The following RAB38 variants were observed in gnomAD, a reference collection of about 807,000 sequenced individuals.
RAB38 encodes RAB38, member RAS oncogene family.
In RAB38, 15 loss-of-function variants were observed where a neutral mutation model predicts 18.4. The observed-to-expected ratio is 0.82, with a 90% CI of 0.55 to 1.26. The LOEUF is 1.26. RAB38 is among the 50% of genes most tolerant of loss of function. RAB38 has a pLI of 0.00. For synonymous variants in RAB38, 101 were observed against 104.4 expected (o/e 0.97, Z 0.20); for missense variants, 294 against 267.4 (o/e 1.10, Z -0.69).
the RAB38 span, among the ~76,000 whole-genome samples, chr11:87,936,814 T>C: frequency 6.6e-6 from 1 of 152,108 alleles, no homozygotes; most frequent in Non-Finnish European, 1.5e-5. Context: ...TTGTTGTATG[T>C]TTATTTTGTA....
the RAB38 span, among the ~76,000 whole-genome samples, chr11:87,953,750 C>G: frequency 6.6e-6 from 1 of 151,970 alleles, no homozygotes; most frequent in Non-Finnish European, 1.5e-5. Context: ...TAAGGGGAAA[C>G]TACTGTAAAT....
At chr11:87,858,942 A>C in the RAB38 span, among the ~76,000 whole-genome samples, 1 of 146,414 alleles carries the variant, frequency 6.8e-6, no homozygotes, top group Non-Finnish European at 1.5e-5. Context: ...ACAAAAATAA[A>C]AAGTAAAAAA....
chr11:88,105,482 T>C, the RAB38 span, among the ~76,000 whole-genome samples: 1 of 150,308 alleles, frequency 6.7e-6, no homozygotes, highest in African/African-American at 2.4e-5. Flanking sequence ...GAGGAATTTA[T>C]TGCCTCTTGT....
chr11:88,115,654 T>C (rs774653305), intron 2 of RAB38: 2 of 152,280 alleles, frequency 1.3e-5, no homozygotes, highest in East Asian at 3.9e-4. Flanking sequence ...CTTTTTTGCT[T>C]ATTATATTAT....
intron 1 of RAB38, among the ~76,000 whole-genome samples, chr11:88,160,305 A>G (rs936544084): frequency 3.9e-5 from 6 of 152,100 alleles, no homozygotes; most frequent in Non-Finnish European, 7.4e-5. Context: ...ATGGTTTACC[A>G]TTTACTAAAA....
chr11:87,934,680 C>T, the RAB38 span, among the ~76,000 whole-genome samples: 1 of 151,926 alleles, frequency 6.6e-6, no homozygotes, highest in African/African-American at 2.4e-5. Context: ...TCCATCTGTG[C>T]TTATAAAAAT....
the RAB38 span, among the ~76,000 whole-genome samples, chr11:87,921,264 C>T: frequency 6.6e-6 from 1 of 151,940 alleles, no homozygotes; most frequent in Non-Finnish European, 1.5e-5. Flanking sequence ...TCGATCATTT[C>T]CTGGGCTAGT....
chr11:88,149,652 C>T (rs1423015468), intron 2 of RAB38, 23 bp downstream of exon 2: 1 of 1,588,994 alleles, frequency 6.3e-7, no homozygotes, highest in Non-Finnish European at 8.6e-7. Flanking sequence ...TTATATTAAG[C>T]TTATTATTTA....
At chr11:87,865,301 G>A in the RAB38 span, among the ~76,000 whole-genome samples, 1 of 151,662 alleles carries the variant, frequency 6.6e-6, no homozygotes, top group Non-Finnish European at 1.5e-5. Context: ...GATTATCCAG[G>A]TGGTCTCCAG....
At chr11:87,826,326 T>G in the RAB38 span, among the ~76,000 whole-genome samples, 2 of 152,084 alleles carry the variant, frequency 1.3e-5, no homozygotes, top group Non-Finnish European at 2.9e-5. Flanking sequence ...TTATGCATAT[T>G]TATTGTAAAA....
At chr11:88,060,579 G>A in the RAB38 span, among the ~76,000 whole-genome samples, 4 of 152,176 alleles carry the variant, frequency 2.6e-5, no homozygotes, top group African/African-American at 9.7e-5. Context: ...GAACAACTGA[G>A]TTGGGACTGG....
chr11:88,008,294 T>C, the RAB38 span, among the ~76,000 whole-genome samples: 1 of 152,224 alleles, frequency 6.6e-6, no homozygotes, highest in Non-Finnish European at 1.5e-5. Context: ...ATATTATAGC[T>C]AAAATTAAAA....
intron 1 of RAB38, among the ~76,000 whole-genome samples, chr11:88,163,743 C>T (rs1256471514): frequency 6.6e-6 from 1 of 152,126 alleles, no homozygotes; most frequent in Non-Finnish European, 1.5e-5. Context: ...AAAGTATTCT[C>T]ATTAAATTCT....
the RAB38 span, among the ~76,000 whole-genome samples, chr11:87,952,981 A>G: frequency 6.6e-6 from 1 of 152,100 alleles, no homozygotes; most frequent in Non-Finnish European, 1.5e-5. Context: ...ACATTTAAAC[A>G]TAAAACATTT....
chr11:87,954,511 C>CTGAAAGACCTGCATA, the RAB38 span, among the ~76,000 whole-genome samples: 819 of 152,190 alleles, frequency 5.4e-3, 3 homozygotes, highest in African/African-American at 0.017. Flanking sequence ...TCAATACCTA[C>CTGAAAGACCTGCATA]TGAAAGACCT....
intron 1 of RAB38, among the ~76,000 whole-genome samples, chr11:88,154,830 T>C (rs747032903): frequency 3.9e-5 from 6 of 152,324 alleles, no homozygotes; most frequent in Middle Eastern, 3.4e-3. Context: ...ACACCTGTCC[T>C]GAACATAGAC....
chr11:88,111,008 A>G (rs540945481), downstream of RAB38, among the ~76,000 whole-genome samples: 6 of 152,242 alleles, frequency 3.9e-5, no homozygotes, highest in South Asian at 1.2e-3. Context: ...AGACAGAGAC[A>G]GTAAGAATAC....
At chr11:87,840,001 A>G in the RAB38 span, among the ~76,000 whole-genome samples, 1 of 152,316 alleles carries the variant, frequency 6.6e-6, no homozygotes, top group South Asian at 2.1e-4. Flanking sequence ...AGATCTCATT[A>G]TGTAAACCAG....
At chr11:87,946,109 G>C in the RAB38 span, among the ~76,000 whole-genome samples, 4 of 152,092 alleles carry the variant, frequency 2.6e-5, no homozygotes, top group Admixed American at 6.6e-5. Flanking sequence ...TTCAATAGTA[G>C]GGGAATATAT....
Sources: allele counts gnomAD v4.1 joint callset (sites outside exome capture counted in the v4.1 genomes callset), GRCh38; gene constraint gnomAD v4.1.1; transcripts MANE v1.5; gene names NCBI Gene and HGNC (gene_info 2026-07-23, HGNC 2026-07-21).